Variants in ZSWIM5 observed in about 807,000 individuals in gnomAD.
ZSWIM5 encodes zinc finger SWIM-type containing 5.
ZSWIM5 carries 55 observed loss-of-function variants against 119.6 expected under a neutral mutation model. The ratio of observed to expected loss-of-function variants is 0.46; its 90% CI spans 0.37 to 0.58. ZSWIM5 has a LOEUF of 0.58. Among genes scored for constraint, ZSWIM5 ranks in the 20% least tolerant of loss-of-function variants. ZSWIM5 has a pLI of 0.00. For synonymous variants in ZSWIM5, 537 were observed against 606.9 expected (o/e 0.88, Z 1.69); for missense variants, 1,193 against 1,512.8 (o/e 0.79, Z 3.51).
chr1:45,105,516 G>A (rs1190160420), intron 1 of ZSWIM5, among the ~76,000 whole-genome samples: 11 of 147,248 alleles, frequency 7.5e-5, no homozygotes, highest in Non-Finnish European at 1.6e-4. Flanking sequence ...CCTCTGCCTG[G>A]CCGCCCCGTC....
chr1:45,057,763 T>C lies in ZSWIM5; in HGVS notation c.1252+846A>G, dbSNP rs1265273136. Among the ~76,000 whole-genome samples the C allele has an allele frequency of 6.6e-6, 1 of 152,170 alleles. No homozygotes were observed. Among genetic ancestry groups the C allele is most frequent in the Non-Finnish European group, 1.5e-5 (1 of 68,024 alleles). On this transcript the variant is annotated intron_variant, in intron 4 of 13. Transcript: ENST00000359600. This position sits in a 1 kb window ranked among gnomAD's most constrained non-coding sequence, Gnocchi z 4.7. Reference sequence around the variant, plus strand: ...CAAAACTGGTCTTAGAGCAAGGGAATGCTAAAGAGAAATGATGGCCACAGA... The same window carrying C: ...CAAAACTGGTCTTAGAGCAAGGGAACGCTAAAGAGAAATGATGGCCACAGA...
At chr1:45,047,564 G>A (rs1374981098) in intron 5 of ZSWIM5, among the ~76,000 whole-genome samples, 2 of 152,168 alleles carry the variant, frequency 1.3e-5, no homozygotes, top group African/African-American at 4.8e-5. Flanking sequence ...TTCATGGAGA[G>A]TGAAAAATTG....
At chr1:45,058,876 G>A (rs1412420643) in intron 3 of ZSWIM5, 117 bp from the exon 4 acceptor site, 2 of 1,192,748 alleles carry the variant, frequency 1.7e-6, no homozygotes, top group South Asian at 1.4e-5. Flanking sequence ...ATATCCAAAA[G>A]AGCCAGAAAG....
chr1:45,165,393 A>C (rs549672310), intron 1 of ZSWIM5, among the ~76,000 whole-genome samples: 7 of 152,018 alleles, frequency 4.6e-5, no homozygotes, highest in Admixed American at 1.3e-4. Flanking sequence ...ACCCTAACAT[A>C]ACAATTAAAA....
chr1:45,098,871 C>T (rs528408083), intron 1 of ZSWIM5, among the ~76,000 whole-genome samples: 9 of 152,222 alleles, frequency 5.9e-5, no homozygotes, highest in Admixed American at 2.0e-4. Flanking sequence ...ACACACCATA[C>T]GAGAATCTCT....
intron 1 of ZSWIM5, among the ~76,000 whole-genome samples, chr1:45,170,113 A>G (rs1645937037): frequency 6.6e-6 from 1 of 152,172 alleles, no homozygotes; most frequent in African/African-American, 2.4e-5. Flanking sequence ...ACACTGCTGT[A>G]CCTACATTCC....
chr1:45,101,589 C>T (rs1645439823), intron 1 of ZSWIM5, among the ~76,000 whole-genome samples: 1 of 152,178 alleles, frequency 6.6e-6, no homozygotes, highest in African/African-American at 2.4e-5. Context: ...GACACATGCA[C>T]ATGTATGTTT....
chr1:45,169,337 C>T (rs986518391), intron 1 of ZSWIM5, among the ~76,000 whole-genome samples: 1 of 151,906 alleles, frequency 6.6e-6, no homozygotes, highest in Admixed American at 6.6e-5. Flanking sequence ...CAGAGATTGG[C>T]ATATAGTAAG....
chr1:45,141,110 A>G (rs772777933), intron 1 of ZSWIM5, among the ~76,000 whole-genome samples: 5 of 152,174 alleles, frequency 3.3e-5, no homozygotes, highest in Non-Finnish European at 7.4e-5. Context: ...CCTCCGGGCA[A>G]TCCTGTCGTG....
At chr1:45,171,178 C>T (rs1645944200) in intron 1 of ZSWIM5, among the ~76,000 whole-genome samples, 1 of 151,926 alleles carries the variant, frequency 6.6e-6, no homozygotes, top group South Asian at 2.1e-4. Flanking sequence ...AAAATTCTAC[C>T]ACTGGAATAA....
chr1:45,092,851 G>C (rs116633714), intron 1 of ZSWIM5, among the ~76,000 whole-genome samples: 1 of 152,186 alleles, frequency 6.6e-6, no homozygotes, highest in Non-Finnish European at 1.5e-5. Flanking sequence ...CTGCAGCACC[G>C]GGGCCTGCCC....
chr1:45,155,174 C>G (rs1645819846), intron 1 of ZSWIM5, among the ~76,000 whole-genome samples: 1 of 151,794 alleles, frequency 6.6e-6, no homozygotes, highest in African/African-American at 2.4e-5. Flanking sequence ...ACGAGGAACT[C>G]AAACAAATTA....
At chr1:45,058,541 C>T (rs3738246) in intron 4 of ZSWIM5, 68 bp downstream of exon 4, 1,355,491 of 1,589,204 alleles carry the variant, frequency 0.85, 578,641 homozygotes, top group South Asian at 0.92. Flanking sequence ...ATGGCAAGGG[C>T]TCATAAACAC....
intron 11 of ZSWIM5, among the ~76,000 whole-genome samples, chr1:45,022,284 C>T (rs1331220936): frequency 1.3e-5 from 2 of 151,718 alleles, no homozygotes; most frequent in African/African-American, 4.8e-5. Flanking sequence ...GCGCCCACCA[C>T]CACGCCCGGC....
chr1:45,187,649 G>A (rs1275515042), intron 1 of ZSWIM5, among the ~76,000 whole-genome samples: 1 of 151,764 alleles, frequency 6.6e-6, no homozygotes, highest in African/African-American at 2.4e-5. Context: ...ACACTATCAA[G>A]AGAGTTAAGA....
At chr1:45,202,833 A>G (rs1646165834) in intron 1 of ZSWIM5, among the ~76,000 whole-genome samples, 1 of 152,056 alleles carries the variant, frequency 6.6e-6, no homozygotes, top group Admixed American at 6.5e-5. Context: ...AGTGGATAGC[A>G]AAAGGGTCAA....
At chr1:45,090,796 C>T (rs1446429112) in intron 1 of ZSWIM5, among the ~76,000 whole-genome samples, 1 of 151,576 alleles carries the variant, frequency 6.6e-6, no homozygotes, top group Non-Finnish European at 1.5e-5. Context: ...TGCACTCTAG[C>T]CTGGGACACG....
chr1:45,182,468 G>A (rs1646027578), intron 1 of ZSWIM5, among the ~76,000 whole-genome samples: 1 of 151,700 alleles, frequency 6.6e-6, no homozygotes, highest in African/African-American at 2.4e-5. Context: ...TGGATAAAGA[G>A]TCAAGACCCA....
chr1:45,016,516 CTTT>C lies in ZSWIM5; in HGVS notation c.*1935_*1937del, dbSNP rs146235412. 1 of 152,014 alleles carries C rather than the reference CTTT, an allele frequency of 6.6e-6. No individual in the cohort carries two copies. Among genetic ancestry groups the C allele is most frequent in the East Asian group, 1.9e-4 (1 of 5,194 alleles). 9.4% of individuals were successfully genotyped at this position (152,014 alleles called of 1,614,324 possible). ...ATACAGAAATGAGAGTGGCTTCTCTCTTTTTTTTAACCAACCCATTGGGCTGAG... is the reference window on the plus strand; with the variant it reads ...ATACAGAAATGAGAGTGGCTTCTCTCTTTTTAACCAACCCATTGGGCTGAG... On this transcript the variant is annotated 3_prime_UTR_variant, in exon 14 of 14. Transcript: ENST00000359600.
Sources: allele counts gnomAD v4.1 joint callset (sites outside exome capture counted in the v4.1 genomes callset), GRCh38; gene constraint gnomAD v4.1.1; non-coding constraint Gnocchi (gnomAD v3.1); transcripts MANE v1.5; gene names NCBI Gene and HGNC (gene_info 2026-07-23, HGNC 2026-07-21).